Variants in ABCG5 observed in about 807,000 individuals in gnomAD.
ABCG5 encodes ATP binding cassette subfamily G member 5, also known as ATP-binding cassette sub-family G member 5.
ABCG5 carries 64 observed loss-of-function variants against 64.5 expected under a neutral mutation model. The observed-to-expected ratio is 0.99, with a 90% CI of 0.81 to 1.22. ABCG5 has a LOEUF of 1.22. Ranked by LOEUF, ABCG5 falls within the 50% of genes most tolerant of loss-of-function variation. The pLI, the probability that ABCG5 is intolerant of heterozygous loss-of-function variation, is 0.00. For synonymous variants in ABCG5, 385 were observed against 326.3 expected (o/e 1.18, Z -1.94); for missense variants, 908 against 829.5 (o/e 1.09, Z -1.16).
intron 11 of ABCG5, among the ~76,000 whole-genome samples, chr2:43,817,185 C>G (rs894540604): frequency 3.9e-5 from 6 of 152,186 alleles, no homozygotes; most frequent in African/African-American, 1.4e-4. Flanking sequence ...AACTGCCTAC[C>G]TTTTAAGAGC....
Position 43,838,390 on chromosome 2 carries a change from T to C in ABCG5, c.143+147A>G. The stretch of plus-strand genomic sequence containing the variant: ...GCTCCATGTTTCCCAGCACAGCCCT[T>C]CTCCCTCTCCTCTCTCCACCCGATC... On this transcript the variant is annotated intron_variant, in intron 1 of 12. Coordinates refer to ENST00000405322, the MANE Select transcript of ABCG5 (RefSeq NM_022436.3). This position sits in a 1 kb window ranked among gnomAD's most constrained non-coding sequence, Gnocchi z 4.2. 1.3e-6 allele frequency: 1 copy of C among 759,434 alleles called. No homozygotes were observed. Among genetic ancestry groups the C allele is most frequent in the East Asian group, 2.7e-5 (1 of 36,972 alleles). 47.0% of individuals were successfully genotyped at this position (759,434 alleles called of 1,614,324 possible). A position where few individuals can be genotyped will look rare whatever the true frequency, so the allele number is the denominator to read the frequency against.
In ABCG5 at chr2:43,812,737, T is replaced by C; in HGVS notation, c.*379A>G. Reference sequence around the variant, plus strand: ...CTTATGGTCAGGAATCCTTGAAACATTTTATTTTTGCCTAATCCTTTATCC... The same window carrying C: ...CTTATGGTCAGGAATCCTTGAAACACTTTATTTTTGCCTAATCCTTTATCC... On this transcript the variant is annotated 3_prime_UTR_variant, in exon 13 of 13. Coordinates refer to ENST00000405322, the MANE Select transcript of ABCG5 (RefSeq NM_022436.3). The C allele has an allele frequency of 5.0e-6, 1 of 199,470 alleles. No homozygotes were observed. Among genetic ancestry groups the C allele is most frequent in the Non-Finnish European group, 1.0e-5 (1 of 96,538 alleles). 12.4% of individuals were successfully genotyped at this position (199,470 alleles called of 1,614,324 possible).
At chr2:43,823,798 G>A in intron 9 of ABCG5, 115 bp downstream of exon 9, 1 of 1,232,742 alleles carries the variant, frequency 8.1e-7, no homozygotes, top group Non-Finnish European at 1.1e-6. Flanking sequence ...ACCTGGAGAG[G>A]GCTGGGTTTA....
chr2:43,825,115 T>C (rs1160074450), intron 6 of ABCG5, 97 bp from the exon 7 acceptor site: 13 of 1,452,702 alleles, frequency 8.9e-6, no homozygotes, highest in Non-Finnish European at 1.0e-5. Flanking sequence ...AGGTCAGGTA[T>C]TCCTTATGGT....
In ABCG5 at chr2:43,822,940, G is replaced by A. The variant is rs752331055; in HGVS notation, c.1325-5C>T. 1.2e-6 allele frequency: 2 copies of A among 1,613,716 alleles called. No individual in the cohort carries two copies. The highest frequency in any genetic ancestry group is 1.3e-5 in the African/African-American group (1 of 75,038). ...TGACAGCTCGCAGCACGGGAACTGG[G>A]GATGGAAGGCAGGTTTCAGAACAGT... On this transcript the variant is annotated splice_polypyrimidine_tract_variant and splice_region_variant and intron_variant, in intron 9 of 12. Transcript: ENST00000405322.
At chr2:43,808,954 G>T (rs1013701474), downstream of ABCG5, among the ~76,000 whole-genome samples, 1 of 136,384 alleles carries the variant, frequency 7.3e-6, no homozygotes, top group African/African-American at 3.1e-5. Flanking sequence ...AAAATCACTG[G>T]GACAAAGGAT....
chr2:43,810,721 C>A (rs922172398), downstream of ABCG5, among the ~76,000 whole-genome samples: 3 of 152,144 alleles, frequency 2.0e-5, no homozygotes, highest in African/African-American at 2.4e-5. Context: ...GGTTCTGACA[C>A]CCTTGAGAAC....
chr2:43,815,259 T>C (rs747332097), intron 11 of ABCG5, among the ~76,000 whole-genome samples: 15 of 152,244 alleles, frequency 9.9e-5, no homozygotes, highest in Non-Finnish European at 1.6e-4. Flanking sequence ...TGTGGTCTTC[T>C]TAGTCCACTG....
intron 6 of ABCG5, 144 bp downstream of exon 6, chr2:43,826,238 G>T: frequency 2.6e-6 from 3 of 1,148,956 alleles, no homozygotes; most frequent in Non-Finnish European, 1.3e-6. Flanking sequence ...GGCCTCAAGT[G>T]CTCCTCCTGC....
At chr2:43,825,115 T>G in intron 6 of ABCG5, 97 bp from the exon 7 acceptor site, 2 of 1,452,818 alleles carry the variant, frequency 1.4e-6, no homozygotes, top group Non-Finnish European at 9.5e-7. Flanking sequence ...AGGTCAGGTA[T>G]TCCTTATGGT....
At chr2:43,816,970 G>A (rs985098614) in intron 11 of ABCG5, among the ~76,000 whole-genome samples, 2 of 152,198 alleles carry the variant, frequency 1.3e-5, no homozygotes, top group Non-Finnish European at 2.9e-5. Context: ...GTTTAAAAGA[G>A]AAGGGAGCCA....
intron 12 of ABCG5, among the ~76,000 whole-genome samples, chr2:43,813,532 C>G (rs1247280105): frequency 6.6e-6 from 1 of 152,030 alleles, no homozygotes; most frequent in Non-Finnish European, 1.5e-5. Flanking sequence ...GATTCATTAC[C>G]ATATTTGTGA....
At position 43,838,075 on chromosome 2, in the gene ABCG5, C is replaced by A; in HGVS notation, c.144-120G>T. 3 of 1,397,312 alleles carry A rather than the reference C, an allele frequency of 2.1e-6. No individual in the cohort carries two copies. The highest frequency in any genetic ancestry group is 3.0e-6 in the Non-Finnish European group (3 of 1,003,834). The allele number at this position is 1,397,312 out of a possible 1,614,324, so 86.6% of individuals were successfully genotyped here. On this transcript the variant is annotated intron_variant, in intron 1 of 12. Transcript: ENST00000405322. The surrounding 1 kb of genome is among the most constrained non-coding windows in gnomAD (Gnocchi z 4.2). ...CAGTAGTCTCCGGACAGGCTCCTAA[C>A]GTGTTTCAGTCTCTGCGCCCTCCTC...
intron 11 of ABCG5, among the ~76,000 whole-genome samples, chr2:43,818,933 G>A (rs536727291): frequency 1.3e-4 from 20 of 152,258 alleles, no homozygotes; most frequent in African/African-American, 4.3e-4. Context: ...AGTGGTAGAG[G>A]AAGTTTCTGA....
intron 2 of ABCG5, among the ~76,000 whole-genome samples, chr2:43,835,310 T>C (rs1668196895): frequency 6.6e-6 from 1 of 151,920 alleles, no homozygotes; most frequent in African/African-American, 2.4e-5. Flanking sequence ...TTCCATTTCT[T>C]GTTGTTCTTA....
chr2:43,815,609 G>T (rs893691735), intron 11 of ABCG5, among the ~76,000 whole-genome samples: 13 of 152,158 alleles, frequency 8.5e-5, no homozygotes, highest in Non-Finnish European at 1.5e-4. Flanking sequence ...GTGGGACTCT[G>T]GGAAGGAATT....
chr2:43,821,890 G>T (rs570020331), intron 10 of ABCG5, among the ~76,000 whole-genome samples: 2 of 149,858 alleles, frequency 1.3e-5, no homozygotes, highest in African/African-American at 2.5e-5. Flanking sequence ...CTCTCTTCCC[G>T]CACCCCATCT....
intron 10 of ABCG5, 64 bp downstream of exon 10, chr2:43,822,733 C>G (rs4073237): frequency 1.9e-6 from 3 of 1,610,630 alleles, no homozygotes; most frequent in Middle Eastern, 1.6e-4. Context: ...TCTCCCTGCA[C>G]GAGTCCCACT....
At chr2:43,807,178 A>G in the ABCG5 span, among the ~76,000 whole-genome samples, 140 of 152,158 alleles carry the variant, frequency 9.2e-4, 1 homozygote, top group Middle Eastern at 3.4e-3. Context: ...GTTGTTTCCA[A>G]TTGTGTGCTG....
Sources: allele counts gnomAD v4.1 joint callset (sites outside exome capture counted in the v4.1 genomes callset), GRCh38; gene constraint gnomAD v4.1.1; non-coding constraint Gnocchi (gnomAD v3.1); transcripts MANE v1.5; gene names NCBI Gene and HGNC (gene_info 2026-07-23, HGNC 2026-07-21).